Variants in LNPK observed in about 807,000 individuals in gnomAD.
LNPK encodes endoplasmic reticulum junction formation protein lunapark.
Under a neutral mutation model 55.2 loss-of-function variants are expected in LNPK, and 29 were observed. The ratio of observed to expected loss-of-function variants is 0.53; its 90% CI spans 0.39 to 0.72. The LOEUF (loss-of-function observed/expected upper bound fraction) is 0.72, where lower values mean the gene tolerates loss of function less well. LNPK is among the 30% of genes least tolerant of loss of function. The pLI is 0.00. For missense variants in LNPK, 467 were observed against 494.8 expected, an observed-to-expected ratio of 0.94 and a Z score of 0.53; for synonymous variants, 162 against 168.2, an observed-to-expected ratio of 0.96 and a Z score of 0.29.
At chr2:175,983,969 G>C (rs1214362970) in intron 4 of LNPK, among the ~76,000 whole-genome samples, 2 of 150,532 alleles carry the variant, frequency 1.3e-5, no homozygotes, top group Non-Finnish European at 3.0e-5. Context: ...GAAAAAAAAA[G>C]TAAGAGAAAA....
intron 4 of LNPK, among the ~76,000 whole-genome samples, chr2:175,985,695 A>G (rs1174203200): frequency 6.6e-6 from 1 of 152,222 alleles, no homozygotes; most frequent in Non-Finnish European, 1.5e-5. Flanking sequence ...TTTCCTATAA[A>G]TACATACCAT....
chr2:175,962,009 C>A (rs747050362), intron 8 of LNPK, among the ~76,000 whole-genome samples: 2 of 152,102 alleles, frequency 1.3e-5, no homozygotes, highest in African/African-American at 2.4e-5. Context: ...ATGTGAATGA[C>A]CTCTTCAAGG....
At chr2:175,972,958 TG>T (rs1260021751) in intron 5 of LNPK, among the ~76,000 whole-genome samples, 1 of 152,212 alleles carries the variant, frequency 6.6e-6, no homozygotes, top group Non-Finnish European at 1.5e-5. Flanking sequence ...AAAATTCTAC[TG>T]GAACTATAAT....
chr2:175,968,571 C>T (rs1686487186), intron 6 of LNPK, among the ~76,000 whole-genome samples: 1 of 152,156 alleles, frequency 6.6e-6, no homozygotes, highest in African/African-American at 2.4e-5. Context: ...GTAAAATGCA[C>T]ACAGATCTAG....
At chr2:176,001,232 T>C (rs976963092) in intron 1 of LNPK, among the ~76,000 whole-genome samples, 3 of 152,086 alleles carry the variant, frequency 2.0e-5, no homozygotes, top group Admixed American at 2.0e-4. Context: ...AACATATTCC[T>C]GAAACCAAGC....
intron 5 of LNPK, among the ~76,000 whole-genome samples, chr2:175,974,838 T>C (rs1686832039): frequency 6.6e-6 from 1 of 152,076 alleles, no homozygotes; most frequent in African/African-American, 2.4e-5. Flanking sequence ...CCTATTAAAA[T>C]GAATTAGTAC....
Position 176,002,243 on chromosome 2 carries a change from C to T in LNPK, c.-146G>A, listed in dbSNP as rs762602903. On this transcript the variant is annotated 5_prime_UTR_variant, in exon 1 of 13. Transcript: ENST00000272748. ...CCGCCCAGCCTGCCTCCAGAGCAGG[C>T]AGCAGCCGCCACTGACAGAGAGACA... 1.1e-5 allele frequency: 5 copies of T among 451,160 alleles called. No individual in the cohort carries two copies. The highest frequency in any genetic ancestry group is 7.2e-5 in the East Asian group (1 of 13,936). 27.9% of individuals were successfully genotyped at this position (451,160 alleles called of 1,614,324 possible).
intron 5 of LNPK, among the ~76,000 whole-genome samples, chr2:175,974,214 A>T (rs1686784376): frequency 6.6e-6 from 1 of 152,206 alleles, no homozygotes; most frequent in Non-Finnish European, 1.5e-5. Context: ...TGATAATAAA[A>T]TAGTCCACAT....
intron 1 of LNPK, among the ~76,000 whole-genome samples, chr2:175,999,337 T>C (rs1688075991): frequency 6.6e-6 from 1 of 152,216 alleles, no homozygotes; most frequent in African/African-American, 2.4e-5. Flanking sequence ...CTGTAAAATC[T>C]TGGACAAATC....
chr2:175,932,132 A>G, intron 12 of LNPK: 1 of 454,400 alleles, frequency 2.2e-6, no homozygotes, highest in South Asian at 1.6e-5. Context: ...AGTTTGTCAT[A>G]TTCTGTCTGA....
At position 175,928,305 on chromosome 2, in the gene LNPK, T is replaced by C. The variant is rs954351377; in HGVS notation, c.*1662A>G. ...ATGCCATCGTTTTCAGGTAGTGTGC[T>C]AGGCACATTACATTATTTTTAATTA... On this transcript the variant is annotated 3_prime_UTR_variant, in exon 13 of 13. Coordinates refer to ENST00000272748, the MANE Select transcript of LNPK (RefSeq NM_030650.3). 2.0e-5 allele frequency: 3 copies of C among 152,104 alleles called. No homozygotes were observed. Among genetic ancestry groups the C allele is most frequent in the Non-Finnish European group, 4.4e-5 (3 of 68,006 alleles). The allele number at this position is 152,104 out of a possible 1,614,324, so 9.4% of individuals were successfully genotyped here.
intron 5 of LNPK, among the ~76,000 whole-genome samples, chr2:175,975,135 C>T (rs1354022732): frequency 6.6e-6 from 1 of 151,676 alleles, no homozygotes; most frequent in Non-Finnish European, 1.5e-5. Context: ...GTATCAGAAG[C>T]TTAAATTTCC....
intron 8 of LNPK, among the ~76,000 whole-genome samples, chr2:175,959,970 A>C (rs1272129472): frequency 6.6e-6 from 1 of 152,202 alleles, no homozygotes; most frequent in African/African-American, 2.4e-5. Flanking sequence ...AAAGAAGGCC[A>C]TTACATAATG....
At chr2:175,933,027 TA>T (rs1684354052) in intron 12 of LNPK, among the ~76,000 whole-genome samples, 1 of 151,566 alleles carries the variant, frequency 6.6e-6, no homozygotes, top group Admixed American at 6.6e-5. Flanking sequence ...AGAAAAATTT[TA>T]AAATCGACTC....
chr2:175,999,762 T>C (rs1462861058), intron 1 of LNPK, among the ~76,000 whole-genome samples: 1 of 152,094 alleles, frequency 6.6e-6, no homozygotes, highest in Non-Finnish European at 1.5e-5. Flanking sequence ...TGCATCTAAG[T>C]GTGTTTTTCT....
At chr2:176,001,356 A>G (rs917042139) in intron 1 of LNPK, among the ~76,000 whole-genome samples, 2 of 152,224 alleles carry the variant, frequency 1.3e-5, no homozygotes, top group African/African-American at 4.8e-5. Context: ...CCGGAGGCCA[A>G]CTGGGAAAAG....
At chr2:175,936,000 A>G (rs751977518) in intron 12 of LNPK, among the ~76,000 whole-genome samples, 11 of 152,048 alleles carry the variant, frequency 7.2e-5, no homozygotes, top group Non-Finnish European at 1.3e-4. Context: ...AAAGACTTCA[A>G]TTTTTCCTCT....
intron 12 of LNPK, among the ~76,000 whole-genome samples, chr2:175,936,722 G>A (rs1407676499): frequency 6.6e-6 from 1 of 152,094 alleles, no homozygotes; most frequent in African/African-American, 2.4e-5. Context: ...AAACAGAATT[G>A]TAAGATGAAT....
At chr2:175,940,930 C>G (rs995837931) in intron 9 of LNPK, 55 of 453,138 alleles carry the variant, frequency 1.2e-4, no homozygotes, top group Non-Finnish European at 3.5e-5. Flanking sequence ...AACTGGTGAA[C>G]TTTAAGACAT....
Sources: gnomAD v4.1 joint callset for allele counts (sites outside exome capture counted in the v4.1 genomes callset) on GRCh38, gnomAD v4.1.1 for gene constraint, MANE v1.5 for transcripts, NCBI Gene and HGNC (gene_info 2026-07-23, HGNC 2026-07-21) for gene names.